The following CFAP65 variants were observed in gnomAD, a reference collection of about 807,000 sequenced individuals.
The protein encoded by CFAP65 is cilia and flagella associated protein 65.
In CFAP65, 155 loss-of-function variants were observed where a neutral mutation model predicts 208.0. The ratio of observed to expected loss-of-function variants is 0.75; its 90% confidence interval spans 0.65 to 0.85. CFAP65 has a LOEUF of 0.85. CFAP65 is among the 40% of genes least tolerant of loss of function. The pLI is 0.00. For synonymous variants in CFAP65, 970 were observed against 986.3 expected, an observed-to-expected ratio of 0.98 and a Z score of 0.31; for missense variants, 2,294 against 2,451.3, an observed-to-expected ratio of 0.94 and a Z score of 1.36.
At position 219,019,557 on chromosome 2, in the gene CFAP65, T is replaced by C; in HGVS notation, c.3422A>G (p.Glu1141Gly). 6.2e-7 allele frequency: 1 copy of C among 1,613,498 alleles called. No homozygotes were observed. The highest frequency in any genetic ancestry group is 1.1e-5 in the South Asian group (1 of 91,072). The change falls in exon 20 of 35, where the codon GAG becomes GGG. Residue 1141 changes from glutamate to glycine, a missense_variant. Physicochemically the swap from Glu to Gly is moderately conservative, Grantham distance 98. Coordinates refer to ENST00000341552, the MANE Select transcript of CFAP65 (RefSeq NM_194302.4). Reference sequence around the variant, plus strand: ...GAGCTCACAGGGGGTGGGGTCACGCTCCAAGTAACTGTTAAGCAGGTCCAG... The same window carrying C: ...GAGCTCACAGGGGGTGGGGTCACGCCCCAAGTAACTGTTAAGCAGGTCCAG... ...FSLDLLNSYLERDPTPCELTY... is the reference protein window; with the variant it reads ...FSLDLLNSYLGRDPTPCELTY...
In CFAP65 at chr2:219,022,254, C is replaced by A. The variant is rs139880103; in HGVS notation, c.2896G>T (p.Gly966Cys). The change falls in exon 17 of 35, where the codon GGC (glycine) becomes TGC (cysteine). Residue 966 changes from glycine to cysteine, a missense_variant. Physicochemically the swap from Gly to Cys is radical, Grantham distance 159. Coordinates refer to ENST00000341552, the MANE Select transcript of CFAP65 (RefSeq NM_194302.4). ...GCGGGGTTGGCATTTGGGGACAGGC[C>A]GGCTTCCCAGACCCACATCCCCACT... ...FQVGMWVWEA[G>C]LSPNANPAAT... 2 of 1,607,124 alleles carry A rather than the reference C, an allele frequency of 1.2e-6. No homozygotes were observed. The highest frequency in any genetic ancestry group is 1.7e-6 in the Non-Finnish European group (2 of 1,177,116).
At chr2:219,012,979 G>A (rs1946585947) in intron 24 of CFAP65, among the ~76,000 whole-genome samples, 1 of 152,130 alleles carries the variant, frequency 6.6e-6, no homozygotes, top group Non-Finnish European at 1.5e-5. Flanking sequence ...TATGGTTCAT[G>A]GTCAAAGAAG....
At chr2:219,006,252 A>G (rs752209328) in intron 30 of CFAP65, 29 bp from the exon 31 acceptor site, 3 of 1,591,628 alleles carry the variant, frequency 1.9e-6, no homozygotes, top group Non-Finnish European at 2.6e-6. Context: ...ATGGATGACA[A>G]GGGTTTGGGC....
chr2:219,038,246 C>T, intron 4 of CFAP65, 129 bp downstream of exon 4: 1 of 801,116 alleles, frequency 1.2e-6, no homozygotes, highest in Non-Finnish European at 2.0e-6. Flanking sequence ...AAAGTCTAGA[C>T]AAGGTCTAGT....
chr2:219,019,934 CAT>C (rs888097282), intron 19 of CFAP65, among the ~76,000 whole-genome samples: 53 of 152,336 alleles, frequency 3.5e-4, no homozygotes, highest in Admixed American at 2.9e-3. Flanking sequence ...GCCTTATACA[CAT>C]GCCTGCACTT....
At chr2:219,025,861 G>A (rs770068560) in intron 14 of CFAP65, among the ~76,000 whole-genome samples, 161 bp downstream of exon 14, 3 of 152,124 alleles carry the variant, frequency 2.0e-5, no homozygotes, top group African/African-American at 7.2e-5. Context: ...GTCCTCAGCC[G>A]GCCCAGATAC....
chr2:219,019,023 C>A (rs1448272958), intron 21 of CFAP65, 28 bp downstream of exon 21: 1 of 1,613,518 alleles, frequency 6.2e-7, no homozygotes, highest in Admixed American at 1.7e-5. Flanking sequence ...GTCTCCCAGG[C>A]CCCCCAGTGG....
intron 26 of CFAP65, 152 bp from the exon 27 acceptor site, chr2:219,010,237 AC>A: frequency 1.4e-6 from 1 of 712,330 alleles, no homozygotes; most frequent in Non-Finnish European, 2.2e-6. Context: ...ACCTTTCAAC[AC>A]CCCCACTCCT....
At chr2:219,019,957 G>A (rs561980571) in intron 19 of CFAP65, among the ~76,000 whole-genome samples, 17 of 152,246 alleles carry the variant, frequency 1.1e-4, no homozygotes, top group African/African-American at 1.7e-4. Flanking sequence ...AATGTGTACC[G>A]TGATTTGGTT....
In CFAP65 at chr2:219,023,403, G is replaced by T; in HGVS notation, c.2624C>A (p.Pro875Gln). ...GTGGGTGTCCAGCTTCAGCTGCAGT[G>T]GCTCCTCCCGGCTGTACATGCTCAC... ...KEVSMYSREE[P>Q]LQLKLDTHKS... The change falls in exon 16 of 35, where the codon CCA becomes CAA. Residue 875 changes from proline (P) to glutamine (Q), a missense_variant. This residue lies in a region of CFAP65 where 1,427 missense variants were observed against 1,438.7 expected (regional missense o/e 0.99). Coordinates refer to ENST00000341552, the MANE Select transcript of CFAP65 (RefSeq NM_194302.4). 6.3e-7 allele frequency: 1 copy of T among 1,583,382 alleles called. No homozygotes were observed. Among genetic ancestry groups the T allele is most frequent in the Non-Finnish European group, 8.6e-7 (1 of 1,165,206 alleles).
chr2:219,028,083 T>C, intron 12 of CFAP65, 74 bp from the exon 13 acceptor site: 2 of 1,540,162 alleles, frequency 1.3e-6, no homozygotes, highest in South Asian at 1.3e-5. Context: ...GGTACACTCC[T>C]GTCTAGAAAG....
intron 13 of CFAP65, chr2:219,027,301 GACC>G (rs1404658098): frequency 1.4e-6 from 2 of 1,430,386 alleles, no homozygotes; most frequent in Non-Finnish European, 9.1e-7. Context: ...CCTTTAGAGT[GACC>G]ACTTCTTAAT....
At position 219,032,378 on chromosome 2, in the gene CFAP65, C is replaced by T. The variant is rs1404309688; in HGVS notation, c.645+92G>A. The T allele has an allele frequency of 1.2e-5, 14 of 1,124,348 alleles. No homozygotes were observed. Among genetic ancestry groups the T allele is most frequent in the East Asian group, 2.6e-5 (1 of 38,312 alleles). 69.6% of individuals were successfully genotyped at this position (1,124,348 alleles called of 1,614,324 possible). A position where few individuals can be genotyped will look rare whatever the true frequency, so the allele number is the denominator to read the frequency against. On this transcript the variant is annotated intron_variant, in intron 6 of 34. Coordinates refer to ENST00000341552, the MANE Select transcript of CFAP65 (RefSeq NM_194302.4). The surrounding 1 kb of genome is among the most constrained non-coding windows in gnomAD (Gnocchi z 5.5). ...TGGAGCGGGCAGCATGTGTGTGTGC[C>T]GGGGCGCTCCTGGTTGCTCTGTCCT...
At chr2:219,024,495 G>T (rs1439032409) in intron 14 of CFAP65, among the ~76,000 whole-genome samples, 1 of 141,286 alleles carries the variant, frequency 7.1e-6, no homozygotes, top group Non-Finnish European at 1.5e-5. Context: ...GCAGGGGGGC[G>T]GGGGCACAGG....
chr2:219,021,344 T>C, intron 18 of CFAP65, 64 bp from the exon 19 acceptor site: 1 of 1,472,552 alleles, frequency 6.8e-7, no homozygotes, highest in African/African-American at 1.4e-5. Flanking sequence ...TCCTGCTCCT[T>C]TGTAGATACC....
chr2:219,030,742 CAG>C lies in CFAP65; in HGVS notation c.1106_1107del (p.Ser369CysfsTer26), dbSNP rs777426541. 3 of 1,614,104 alleles carry C rather than the reference CAG, an allele frequency of 1.9e-6. No homozygotes were observed. The highest frequency in any genetic ancestry group is 2.5e-6 in the Non-Finnish European group (3 of 1,180,040). ...CTCTCCGAGGTGCAGCCCACAGCAACAGAGCCAAAGTACAACAGCTTCTGGAA... is the reference window on the plus strand; with the variant it reads ...CTCTCCGAGGTGCAGCCCACAGCAACAGCCAAAGTACAACAGCTTCTGGAA... ...EGFQKLLYFG[S>X]VAVGCTSERQ... On this transcript the variant is annotated frameshift_variant, in exon 9 of 35. Transcript: ENST00000341552. LOFTEE classifies it high-confidence loss of function.
At chr2:219,023,178 C>T (rs775489320) in intron 16 of CFAP65, 29 bp downstream of exon 16, 152 of 1,577,340 alleles carry the variant, frequency 9.6e-5, no homozygotes, top group Non-Finnish European at 1.2e-4. Context: ...TGAAGGTTGC[C>T]GTCACTCGGC....
intron 29 of CFAP65, among the ~76,000 whole-genome samples, chr2:219,007,457 G>A (rs1209730094): frequency 6.6e-6 from 1 of 152,146 alleles, no homozygotes; most frequent in Non-Finnish European, 1.5e-5. Context: ...TAGGATTACA[G>A]GTGTGAGCCA....
chr2:219,030,248 A>T, intron 9 of CFAP65, 40 bp from the exon 10 acceptor site: 4 of 1,577,504 alleles, frequency 2.5e-6, no homozygotes, highest in Non-Finnish European at 3.5e-6. Flanking sequence ...CAGGTCACAG[A>T]GCAGAGCACT....
Sources: allele counts gnomAD v4.1 joint callset (sites outside exome capture counted in the v4.1 genomes callset), GRCh38; gene constraint gnomAD v4.1.1; regional missense constraint gnomAD v4.1.1; non-coding constraint Gnocchi (gnomAD v3.1); transcripts MANE v1.5; gene names NCBI Gene and HGNC (gene_info 2026-07-23, HGNC 2026-07-21).